Variants in RABGAP1L observed in about 807,000 individuals in gnomAD.
The protein encoded by RABGAP1L is RAB GTPase activating protein 1 like.
RABGAP1L carries 63 observed loss-of-function variants against 137.7 expected under a neutral mutation model. That is an observed-to-expected ratio of 0.46 (90% CI 0.37 to 0.56). The LOEUF is 0.56. Ranked by LOEUF, RABGAP1L falls within the 20% of genes least tolerant of loss-of-function variation. The probability of loss-of-function intolerance (pLI) is 0.00; values close to 1 mark genes in which losing one functional copy is unlikely to be tolerated. For synonymous variants in RABGAP1L, 431 were observed against 433.7 expected, an observed-to-expected ratio of 0.99 and a Z score of 0.08; for missense variants, 1,095 against 1,244.0, an observed-to-expected ratio of 0.88 and a Z score of 1.80.
intron 19 of RABGAP1L, among the ~76,000 whole-genome samples, chr1:174,901,158 C>T (rs1216250156): frequency 1.3e-5 from 2 of 152,098 alleles, no homozygotes; most frequent in Admixed American, 6.5e-5. Context: ...AGTTATGTTC[C>T]TCTCTAACCT....
chr1:174,481,667 C>T (rs1659099085), intron 13 of RABGAP1L, among the ~76,000 whole-genome samples: 1 of 152,016 alleles, frequency 6.6e-6, no homozygotes, highest in African/African-American at 2.4e-5. Flanking sequence ...GGAGAGAAAT[C>T]ATCACTGTAG....
At chr1:174,398,176 G>C (rs1163964099) in intron 13 of RABGAP1L, among the ~76,000 whole-genome samples, 1 of 152,108 alleles carries the variant, frequency 6.6e-6, no homozygotes. Context: ...CAATCAGGAA[G>C]CTCACCTAGT....
At chr1:174,308,100 T>G (rs1206352343) in intron 11 of RABGAP1L, among the ~76,000 whole-genome samples, 1 of 152,012 alleles carries the variant, frequency 6.6e-6, no homozygotes, top group African/African-American at 2.4e-5. Flanking sequence ...TGTTAGTCAT[T>G]TGCATGTCTT....
chr1:174,441,743 C>A (rs558055096), intron 13 of RABGAP1L, among the ~76,000 whole-genome samples: 52 of 151,142 alleles, frequency 3.4e-4, no homozygotes, highest in Non-Finnish European at 6.9e-4. Flanking sequence ...TCAAAACAAA[C>A]AAACAAACAA....
intron 19 of RABGAP1L, among the ~76,000 whole-genome samples, chr1:174,812,631 C>A (rs1317484053): frequency 4.6e-5 from 7 of 152,080 alleles, no homozygotes; most frequent in Non-Finnish European, 7.4e-5. Flanking sequence ...AAACAGAGAT[C>A]CTGGTCTTAG....
intron 13 of RABGAP1L, among the ~76,000 whole-genome samples, chr1:174,522,515 AG>A (rs1237819902): frequency 6.6e-6 from 1 of 151,996 alleles, no homozygotes; most frequent in African/African-American, 2.4e-5. Flanking sequence ...GACCTTGTCT[AG>A]AAAAGAAAAG....
intron 14 of RABGAP1L, among the ~76,000 whole-genome samples, chr1:174,671,923 A>G (rs183831618): frequency 5.9e-5 from 9 of 152,154 alleles, no homozygotes; most frequent in Admixed American, 5.9e-4. Flanking sequence ...TATATTTTTA[A>G]ATATTTGGTA....
intron 19 of RABGAP1L, among the ~76,000 whole-genome samples, chr1:174,952,801 G>T (rs1228329750): frequency 6.6e-6 from 1 of 151,886 alleles, no homozygotes; most frequent in Non-Finnish European, 1.5e-5. Flanking sequence ...TTTTGTCCAG[G>T]CTGGTCTTGA....
intron 13 of RABGAP1L, among the ~76,000 whole-genome samples, chr1:174,444,279 C>T (rs1210109178): frequency 6.6e-6 from 1 of 151,682 alleles, no homozygotes; most frequent in Non-Finnish European, 1.5e-5. Flanking sequence ...GTCCTTTTAA[C>T]AATATTAATT....
intron 11 of RABGAP1L, among the ~76,000 whole-genome samples, chr1:174,341,737 T>G (rs1427316108): frequency 6.6e-6 from 1 of 152,206 alleles, no homozygotes; most frequent in East Asian, 1.9e-4. Context: ...TCTTTGTTTT[T>G]CAAGGCAAAT....
At chr1:174,418,547 G>C (rs1650875499) in intron 13 of RABGAP1L, among the ~76,000 whole-genome samples, 1 of 152,172 alleles carries the variant, frequency 6.6e-6, no homozygotes. Flanking sequence ...GCAGTGGAGT[G>C]TCCTTGAAAT....
intron 19 of RABGAP1L, among the ~76,000 whole-genome samples, chr1:174,937,895 T>C (rs1665171252): frequency 6.7e-6 from 1 of 149,612 alleles, no homozygotes; most frequent in South Asian, 2.2e-4. Context: ...TGTATTTTAG[T>C]AGAGATGGGG....
rs189800447 is a variant in RABGAP1L, at chr1:174,550,883, T to C, written c.1711-86492T>C. 4.0e-3 allele frequency among the ~76,000 whole-genome samples: 227 copies of C among 56,948 alleles called. 15 individuals are homozygous for C. The highest frequency in any genetic ancestry group is 0.018 in the African/African-American group (178 of 9,814). 37.4% of individuals were successfully genotyped at this position (56,948 alleles called of 152,430 possible). A position where few individuals can be genotyped will look rare whatever the true frequency, so the allele number is the denominator to read the frequency against. ...ATATATATATATATATATATATATA[T>C]ATATATATATATACACACACACATA... On this transcript the variant is annotated intron_variant, in intron 13 of 25. Transcript: ENST00000681986.
chr1:174,690,279 A>G (rs891077241), intron 15 of RABGAP1L, among the ~76,000 whole-genome samples: 2 of 152,148 alleles, frequency 1.3e-5, no homozygotes, highest in East Asian at 3.8e-4. Context: ...TAGGCTTATT[A>G]TGAGTATTGA....
chr1:174,981,200 A>T (rs1671072742), intron 23 of RABGAP1L, among the ~76,000 whole-genome samples: 1 of 152,228 alleles, frequency 6.6e-6, no homozygotes, highest in African/African-American at 2.4e-5. Flanking sequence ...GAAGATAAGG[A>T]TATAAGACAC....
intron 11 of RABGAP1L, among the ~76,000 whole-genome samples, chr1:174,323,436 T>G (rs1680185288): frequency 6.6e-6 from 1 of 152,106 alleles, no homozygotes; most frequent in South Asian, 2.1e-4. Context: ...ACTACACTCT[T>G]AATTGCTTAA....
intron 13 of RABGAP1L, among the ~76,000 whole-genome samples, chr1:174,555,550 G>T (rs1318270968): frequency 6.6e-6 from 1 of 151,760 alleles, no homozygotes; most frequent in Non-Finnish European, 1.5e-5. Flanking sequence ...CAAAAAAAAT[G>T]TATGTTCCCT....
chr1:174,914,180 A>G (rs1006583600), intron 19 of RABGAP1L, among the ~76,000 whole-genome samples: 1 of 152,096 alleles, frequency 6.6e-6, no homozygotes, highest in Non-Finnish European at 1.5e-5. Flanking sequence ...TTTCTCACAT[A>G]CAGTCTAGGA....
intron 18 of RABGAP1L, among the ~76,000 whole-genome samples, chr1:174,754,563 G>A (rs749866001): frequency 7.2e-5 from 11 of 152,014 alleles, no homozygotes; most frequent in East Asian, 1.9e-4. Context: ...GTATAGTGGC[G>A]TGGTGATAGC....
Sources: gnomAD v4.1 joint callset for allele counts (sites outside exome capture counted in the v4.1 genomes callset) on GRCh38, gnomAD v4.1.1 for gene constraint, MANE v1.5 for transcripts, NCBI Gene and HGNC (gene_info 2026-07-23, HGNC 2026-07-21) for gene names.